TFCP2: variants seen among roughly 807,000 people sequenced by gnomAD.
TFCP2 encodes the protein transcription factor CP2, also known as alpha-globin transcription factor CP2.
In TFCP2, 33 loss-of-function variants were observed where a neutral mutation model predicts 73.4. The observed-to-expected ratio is 0.45, with a 90% confidence interval of 0.34 to 0.60. TFCP2 has a LOEUF of 0.60. TFCP2 is among the 20% of genes least tolerant of loss of function. The pLI is 0.01. For missense variants in TFCP2, 352 were observed against 604.0 expected (o/e 0.58, Z 4.37); for synonymous variants, 193 against 211.6 (o/e 0.91, Z 0.76).
chr12:51,153,522 T>A (rs1002110726), intron 1 of TFCP2, among the ~76,000 whole-genome samples: 1 of 151,344 alleles, frequency 6.6e-6, no homozygotes, highest in Non-Finnish European at 1.5e-5. Context: ...GAACTTTTCA[T>A]CATCCCAATC....
chr12:51,147,573 G>T (rs1941326227), intron 1 of TFCP2, among the ~76,000 whole-genome samples: 1 of 152,070 alleles, frequency 6.6e-6, no homozygotes, highest in Admixed American at 6.6e-5. Flanking sequence ...GGAAGGCTGG[G>T]ATAACTGGCA....
chr12:51,149,646 C>A (rs1217802324), intron 1 of TFCP2, among the ~76,000 whole-genome samples: 3 of 152,036 alleles, frequency 2.0e-5, no homozygotes, highest in Non-Finnish European at 2.9e-5. Flanking sequence ...GTCACCCAGG[C>A]CAGAGTGCAG....
chr12:51,127,309 G>A (rs1473828698), intron 1 of TFCP2, among the ~76,000 whole-genome samples: 1 of 152,100 alleles, frequency 6.6e-6, no homozygotes, highest in East Asian at 1.9e-4. Context: ...TAAAAGGGAA[G>A]ACAACAGGAT....
chr12:51,168,894 C>A (rs956752248), intron 1 of TFCP2, among the ~76,000 whole-genome samples: 1 of 152,012 alleles, frequency 6.6e-6, no homozygotes, highest in East Asian at 2.0e-4. Flanking sequence ...TTCCGCCTCC[C>A]GGGTTCATGC....
At position 51,168,211 on chromosome 12, in the gene TFCP2, C is replaced by T. The variant is rs563397832; in HGVS notation, c.122+4090G>A. On this transcript the variant is annotated intron_variant, in intron 1 of 14. Transcript: ENST00000257915. ...AGGAGTTCCAGAACAGCCTGGTCAA[C>T]ATAGGGAGACCCTGTCTCTGCAAAA... 3.9e-5 allele frequency among the ~76,000 whole-genome samples: 6 copies of T among 152,182 alleles called. No individual in the cohort carries two copies. In the East Asian group the frequency reaches 1.2e-3, roughly 29 times the overall value.
At chr12:51,164,850 C>G (rs761696533) in intron 1 of TFCP2, among the ~76,000 whole-genome samples, 1 of 151,992 alleles carries the variant, frequency 6.6e-6, no homozygotes, top group Admixed American at 6.6e-5. Flanking sequence ...AAAGTCTCAA[C>G]AAACCTATAA....
At chr12:51,133,913 C>T (rs1199523567) in intron 1 of TFCP2, among the ~76,000 whole-genome samples, 2 of 99,896 alleles carry the variant, frequency 2.0e-5, no homozygotes, top group African/African-American at 7.6e-5. Flanking sequence ...CAGGGCGAGA[C>T]CCTGTCTCAA....
chr12:51,115,016 G>A (rs7137990), intron 4 of TFCP2, among the ~76,000 whole-genome samples: 3,649 of 118,636 alleles, frequency 0.031, 175 homozygotes, highest in African/African-American at 0.11. Flanking sequence ...AGTTGATATC[G>A]CGCCATTGCA....
intron 1 of TFCP2, among the ~76,000 whole-genome samples, chr12:51,155,817 G>A (rs55836257): frequency 8.7e-4 from 132 of 152,336 alleles, no homozygotes; most frequent in African/African-American, 3.0e-3. Context: ...CAAGGTGGGT[G>A]GATCACTTAA....
chr12:51,159,591 T>G lies in TFCP2; in HGVS notation c.122+12710A>C, dbSNP rs1185068233. Among the ~76,000 whole-genome samples, 9 of 152,008 alleles carry G rather than the reference T, an allele frequency of 5.9e-5. No homozygotes were observed. In the East Asian group the frequency reaches 1.7e-3, roughly 29 times the overall value. On this transcript the variant is annotated intron_variant, in intron 1 of 14. Coordinates refer to ENST00000257915, the MANE Select transcript of TFCP2 (RefSeq NM_005653.5). ...CCTCAGCCTCCCAAAGCGCTGGGAT[T>G]GCAGGCGTGAGCCACCGTGCCTGGC...
chr12:51,115,103 T>C (rs1338383241), intron 4 of TFCP2, among the ~76,000 whole-genome samples: 2 of 142,688 alleles, frequency 1.4e-5, no homozygotes, highest in African/African-American at 5.1e-5. Context: ...TTGACAAGGA[T>C]TGGAGAAATT....
At position 51,168,213 on chromosome 12, in the gene TFCP2, T is replaced by C. The variant is rs574060015; in HGVS notation, c.122+4088A>G. 9.9e-4 allele frequency among the ~76,000 whole-genome samples: 150 copies of C among 152,090 alleles called. 1 individual carries two copies. The highest frequency in any genetic ancestry group is 3.2e-3 in the African/African-American group (133 of 41,502). ...GAGTTCCAGAACAGCCTGGTCAACA[T>C]AGGGAGACCCTGTCTCTGCAAAACA... On this transcript the variant is annotated intron_variant, in intron 1 of 14. Coordinates refer to ENST00000257915, the MANE Select transcript of TFCP2 (RefSeq NM_005653.5).
intron 1 of TFCP2, among the ~76,000 whole-genome samples, chr12:51,154,745 T>A (rs753522000): frequency 5.0e-4 from 76 of 152,270 alleles, no homozygotes; most frequent in Middle Eastern, 3.4e-3. Context: ...TATCTTATTG[T>A]ACTATACTCA....
At chr12:51,107,765 C>T (rs1322318308) in intron 6 of TFCP2, among the ~76,000 whole-genome samples, 2 of 151,880 alleles carry the variant, frequency 1.3e-5, no homozygotes, top group African/African-American at 4.8e-5. Context: ...CGCCACCACA[C>T]CCAGCTAATT....
chr12:51,153,367 C>A (rs564744471), intron 1 of TFCP2, among the ~76,000 whole-genome samples: 2 of 149,270 alleles, frequency 1.3e-5, no homozygotes, highest in Admixed American at 6.8e-5. Context: ...CAGAGCAAGA[C>A]CCTGTCTCAA....
chr12:51,133,333 T>G (rs934191125), intron 1 of TFCP2, among the ~76,000 whole-genome samples: 6 of 151,742 alleles, frequency 4.0e-5, no homozygotes, highest in Non-Finnish European at 8.8e-5. Context: ...TTTCAGACGG[T>G]CTTGCTCTGT....
chr12:51,097,974 C>T (rs1940008918), intron 13 of TFCP2, among the ~76,000 whole-genome samples: 1 of 151,662 alleles, frequency 6.6e-6, no homozygotes, highest in Admixed American at 6.6e-5. Flanking sequence ...GAGATCACAC[C>T]ACCGCACAAC....
Position 51,172,487 on chromosome 12 carries a change from C to T in TFCP2, c.-65G>A. 6.2e-7 allele frequency: 1 copy of T among 1,601,856 alleles called. No individual in the cohort carries two copies. The highest frequency in any genetic ancestry group is 8.5e-7 in the Non-Finnish European group (1 of 1,175,210). ...ACAAAGGCGCGGAGGGTAATTCTAC[C>T]CAACAGGAGTAACGCAAACCAAGAA... On this transcript the variant is annotated 5_prime_UTR_variant, in exon 1 of 15. Transcript: ENST00000257915.
intron 1 of TFCP2, among the ~76,000 whole-genome samples, chr12:51,128,374 C>G (rs1450605950): frequency 6.6e-6 from 1 of 151,454 alleles, no homozygotes; most frequent in Non-Finnish European, 1.5e-5. Flanking sequence ...ATACCTAATG[C>G]TAAATGACGA....
Sources: gnomAD v4.1 joint callset for allele counts (sites outside exome capture counted in the v4.1 genomes callset) on GRCh38, gnomAD v4.1.1 for gene constraint, MANE v1.5 for transcripts, NCBI Gene and HGNC (gene_info 2026-07-23, HGNC 2026-07-21) for gene names.